Variants in SLC25A18 observed in about 807,000 individuals in gnomAD.
SLC25A18 encodes the protein mitochondrial glutamate carrier 2.
A neutral mutation model predicts 31.1 loss-of-function variants in SLC25A18; 24 were observed. The ratio of observed to expected loss-of-function variants is 0.77; its 90% CI spans 0.56 to 1.08. The LOEUF (loss-of-function observed/expected upper bound fraction) is 1.08. SLC25A18 is among the 50% of genes least tolerant of loss of function. The probability of loss-of-function intolerance (pLI) is 0.00; values close to 1 mark genes in which losing one functional copy is unlikely to be tolerated. For synonymous variants in SLC25A18, 173 were observed against 161.9 expected, an observed-to-expected ratio of 1.07 and a Z score of -0.52; for missense variants, 371 against 418.5, an observed-to-expected ratio of 0.89 and a Z score of 0.99.
At chr22:17,569,866 C>T in intron 1 of SLC25A18, 58 bp from the exon 2 acceptor site, 1 of 985,482 alleles carries the variant, frequency 1.0e-6, no homozygotes, top group Non-Finnish European at 1.2e-6. Context: ...GGGAAACTGA[C>T]CACAGAAGGG....
chr22:17,575,695 G>A (rs1024200491), intron 2 of SLC25A18, among the ~76,000 whole-genome samples: 1 of 152,200 alleles, frequency 6.6e-6, no homozygotes, highest in Non-Finnish European at 1.5e-5. Context: ...GAATAGCAAG[G>A]GGGAAAGGGC....
At position 17,572,985 on chromosome 22, in the gene SLC25A18, C is replaced by T. The variant is rs1432290278; in HGVS notation, c.-201+2999C>T. On this transcript the variant is annotated intron_variant, in intron 2 of 10. Transcript: ENST00000327451. ...AAAATTAACCGGGCGTGATGGTGCA[C>T]ACCTGTAGTCTCAACAACCCAGGAG... Among the ~76,000 whole-genome samples the T allele has an allele frequency of 2.0e-5, 3 of 152,208 alleles. 1 individual carries two copies. The highest frequency in any genetic ancestry group is 4.1e-4 in the South Asian group (2 of 4,824).
At chr22:17,575,204 A>G (rs1344168438) in intron 2 of SLC25A18, among the ~76,000 whole-genome samples, 1 of 152,096 alleles carries the variant, frequency 6.6e-6, no homozygotes, top group Non-Finnish European at 1.5e-5. Context: ...GTGACTCTGC[A>G]CACCTCTGAG....
rs765259920 is a variant in SLC25A18, at chr22:17,587,923, A to G, written c.576-2A>G. ...TCAGTGTTTCTCCTTCCTCTTCTGC[A>G]GAGACATTCCTTTCTCCATCATCTA... On this transcript the variant is annotated splice_acceptor_variant, in intron 8 of 10. Transcript: ENST00000327451. LOFTEE classifies it high-confidence loss of function. 2.5e-6 allele frequency: 4 copies of G among 1,613,964 alleles called. No individual in the cohort carries two copies. The African/African-American group carries it at 5.3e-5, about 22-fold the overall frequency.
intron 2 of SLC25A18, among the ~76,000 whole-genome samples, chr22:17,573,057 G>T (rs1009930269): frequency 1.3e-5 from 2 of 152,144 alleles, no homozygotes; most frequent in African/African-American, 2.4e-5. Flanking sequence ...AGGCTGCAGT[G>T]AGCCAAGATC....
intron 1 of SLC25A18, chr22:17,569,673 T>G (rs2057037215): frequency 1.0e-6 from 1 of 985,438 alleles, no homozygotes; most frequent in Non-Finnish European, 1.2e-6. Context: ...CAGCCTGGAC[T>G]TTTTGTCCGA....
At chr22:17,589,768 G>T in intron 10 of SLC25A18, 103 bp downstream of exon 10, 1 of 1,143,312 alleles carries the variant, frequency 8.7e-7, no homozygotes, top group Non-Finnish European at 1.3e-6. Context: ...TGGGCTCTGG[G>T]TTTCTTTGAA....
At chr22:17,580,586 AC>A in intron 3 of SLC25A18, 3 of 992,876 alleles carry the variant, frequency 3.0e-6, no homozygotes, top group Middle Eastern at 5.1e-4. Context: ...GTCCTCAGCA[AC>A]CCTGGAGTGA....
chr22:17,565,490 C>T (rs993657387), intron 1 of SLC25A18, among the ~76,000 whole-genome samples: 1 of 152,150 alleles, frequency 6.6e-6, no homozygotes, highest in East Asian at 1.9e-4. Flanking sequence ...CCTCCTTCCT[C>T]GACCTCCCAA....
intron 10 of SLC25A18, 53 bp downstream of exon 10, chr22:17,589,718 G>GTGTC: frequency 6.4e-7 from 1 of 1,559,534 alleles, no homozygotes; most frequent in South Asian, 1.1e-5. Context: ...CTCTGCGTGG[G>GTGTC]TGTCTGCCTA....
intron 7 of SLC25A18, among the ~76,000 whole-genome samples, chr22:17,584,798 A>AT (rs966393386): frequency 6.2e-4 from 93 of 149,374 alleles, no homozygotes; most frequent in Non-Finnish European, 1.0e-3. Flanking sequence ...AAAAAAAAAA[A>AT]AAAAAAAAAA....
intron 7 of SLC25A18, among the ~76,000 whole-genome samples, chr22:17,583,904 A>G (rs1020968103): frequency 9.9e-5 from 15 of 151,862 alleles, no homozygotes; most frequent in Non-Finnish European, 1.3e-4. Flanking sequence ...AGATTGCACC[A>G]CTGCACTCCA....
chr22:17,567,117 A>G (rs777718874), intron 1 of SLC25A18, among the ~76,000 whole-genome samples: 39 of 152,324 alleles, frequency 2.6e-4, no homozygotes, highest in Non-Finnish European at 4.3e-4. Flanking sequence ...AGCCATGATC[A>G]CGACACTGCG....
chr22:17,571,631 G>A (rs1374504152), intron 2 of SLC25A18, among the ~76,000 whole-genome samples: 4 of 151,980 alleles, frequency 2.6e-5, no homozygotes, highest in Non-Finnish European at 4.4e-5. Context: ...GATGGAGCAC[G>A]CCTGTAATCC....
chr22:17,584,574 G>T (rs1258693125), intron 7 of SLC25A18, among the ~76,000 whole-genome samples: 1 of 151,462 alleles, frequency 6.6e-6, no homozygotes, highest in Non-Finnish European at 1.5e-5. Context: ...GAGGTCAGGG[G>T]TTCAAGACCA....
chr22:17,578,266 C>T (rs939283199), intron 2 of SLC25A18, among the ~76,000 whole-genome samples: 1 of 152,188 alleles, frequency 6.6e-6, no homozygotes. Context: ...CCACTGTTCC[C>T]GGCCAAACTT....
chr22:17,583,317 G>C, intron 6 of SLC25A18, 99 bp from the exon 7 acceptor site: 1 of 1,495,958 alleles, frequency 6.7e-7, no homozygotes, highest in Non-Finnish European at 9.1e-7. Flanking sequence ...TGGCAGCCAC[G>C]GGTGCCATCC....
intron 9 of SLC25A18, 59 bp downstream of exon 9, chr22:17,588,138 A>C: frequency 1.0e-5 from 16 of 1,597,548 alleles, no homozygotes; most frequent in Non-Finnish European, 1.3e-5. Flanking sequence ...GCACTTATAG[A>C]TAAAACAGCC....
At chr22:17,568,382 GGC>G in intron 1 of SLC25A18, among the ~76,000 whole-genome samples, 1 of 143,748 alleles carries the variant, frequency 7.0e-6, no homozygotes, top group African/African-American at 2.6e-5. Context: ...AAAAAAAAAA[GGC>G]AGATGAGAAT....
Sources: allele counts gnomAD v4.1 joint callset (sites outside exome capture counted in the v4.1 genomes callset), GRCh38; gene constraint gnomAD v4.1.1; transcripts MANE v1.5; gene names NCBI Gene and HGNC (gene_info 2026-07-23, HGNC 2026-07-21).